Variants in LIPF observed in about 807,000 individuals in gnomAD.
LIPF encodes lipase F, gastric type, also known as gastric triacylglycerol lipase.
A neutral mutation model predicts 38.0 loss-of-function variants in LIPF; 25 were observed. The ratio of observed to expected loss-of-function variants is 0.66; its 90% CI spans 0.48 to 0.92. The LOEUF (loss-of-function observed/expected upper bound fraction) is 0.92, where lower values mean the gene tolerates loss of function less well. Ranked by LOEUF, LIPF falls within the 40% of genes least tolerant of loss-of-function variation. The pLI is 0.00. For missense variants in LIPF, 410 were observed against 469.9 expected, an observed-to-expected ratio of 0.87 and a Z score of 1.18; for synonymous variants, 161 against 156.2, an observed-to-expected ratio of 1.03 and a Z score of -0.23.
chr10:88,672,674 T>A (rs142767766), intron 6 of LIPF, among the ~76,000 whole-genome samples: 3,295 of 127,010 alleles, frequency 0.026, 36 homozygotes, highest in Non-Finnish European at 0.029. Flanking sequence ...ACACACACTC[T>A]CTCTCTCTCT....
intron 1 of LIPF, among the ~76,000 whole-genome samples, chr10:88,666,771 T>A (rs1270754571): frequency 1.3e-5 from 2 of 152,096 alleles, no homozygotes; most frequent in Non-Finnish European, 2.9e-5. Context: ...AATCACATAA[T>A]AACCTCAAAT....
rs1426047711 is a variant in LIPF, at chr10:88,668,635, A to T, written c.301A>T (p.Ser101Cys). 1 of 1,614,228 alleles carries T rather than the reference A, an allele frequency of 6.2e-7. No homozygotes were observed. Among genetic ancestry groups the T allele is most frequent in the South Asian group, 1.1e-5 (1 of 91,092 alleles). Residue 101 changes from serine (S) to cysteine (C), a missense_variant, in exon 4 of 10, where the codon AGC (serine) becomes TGC (cysteine). Transcript: ENST00000238983. ...CTGGATTTCCAACCTGCCGAACAAC[A>T]GCCTTGCCTTCATTCTGGCAGATGC... ...TNWISNLPNN[S>C]LAFILADAGY...
rs1841675589 is a variant in LIPF at position 88,675,662 on chromosome 10, T to C, written c.888+5T>C. ...AACATGTTCCATTGGACCCAGGTAT[T>C]CTTTTCCAAATGCTGTTAAAATGTA... On this transcript the variant is annotated splice_donor_5th_base_variant and intron_variant, in intron 8 of 9. Coordinates refer to ENST00000238983, the MANE Select transcript of LIPF (RefSeq NM_004190.4). 5 of 1,601,854 alleles carry C rather than the reference T, an allele frequency of 3.1e-6. No homozygotes were observed. The East Asian group carries it at 1.1e-4, about 36-fold the overall frequency.
At chr10:88,669,087 C>A in intron 4 of LIPF, 1 of 211,828 alleles carries the variant, frequency 4.7e-6, no homozygotes, top group African/African-American at 2.3e-5. Flanking sequence ...AGTAAAAACC[C>A]ATTTAGGGGT....
intron 4 of LIPF, chr10:88,669,021 GA>G (rs979478715): frequency 2.2e-5 from 8 of 363,558 alleles, no homozygotes; most frequent in Admixed American, 1.2e-4. Flanking sequence ...CTGAAGCAAG[GA>G]AACTCACAGC....
chr10:88,672,793 T>C (rs1841624654), intron 6 of LIPF, among the ~76,000 whole-genome samples: 1 of 152,170 alleles, frequency 6.6e-6, no homozygotes, highest in Admixed American at 6.6e-5. Flanking sequence ...TGTATTAATA[T>C]GTATGTCTAA....
chr10:88,672,009 G>A lies in LIPF; in HGVS notation c.669+44G>A, dbSNP rs753363734. ...TTAAGTGAATCTAAGACCCTTGATT[G>A]CCCATGGATTTTAAAGTTATAGAAA... On this transcript the variant is annotated intron_variant, in intron 6 of 9. Coordinates refer to ENST00000238983, the MANE Select transcript of LIPF (RefSeq NM_004190.4). 5.3e-6 allele frequency: 8 copies of A among 1,520,402 alleles called. No individual in the cohort carries two copies. In the Admixed American group the frequency reaches 8.3e-5, roughly 16 times the overall value. The allele number at this position is 1,520,402 out of a possible 1,614,324, so 94.2% of individuals were successfully genotyped here.
chr10:88,673,672 A>C lies in LIPF; in HGVS notation c.754A>C (p.Asn252His), dbSNP rs144796282. 2.4e-5 allele frequency: 39 copies of C among 1,612,324 alleles called. No individual in the cohort carries two copies. The highest frequency in any genetic ancestry group is 3.3e-5 in the Non-Finnish European group (39 of 1,178,572). The change falls in exon 7 of 10, where the codon AAT (asparagine) becomes CAT (histidine). Residue 252 changes from asparagine (N) to histidine (H), a missense_variant. Asn to His is a moderately conservative substitution (Grantham distance 68, BLOSUM62 1). Transcript: ENST00000238983. ...TGAAGTGTGCTCCCGTGAGATGCTG[A>C]ATCTCCTTTGCAGCAATGCCTTATT... ...ATEVCSREML[N>H]LLCSNALFII...
At chr10:88,671,752 A>G (rs1841599228) in intron 5 of LIPF, 77 bp from the exon 6 acceptor site, 2 of 1,530,174 alleles carry the variant, frequency 1.3e-6, no homozygotes, top group Non-Finnish European at 1.8e-6. Context: ...AAATAATGTC[A>G]CACTTATAAA....
chr10:88,667,254 T>A (rs1841524975), intron 1 of LIPF, 33 bp from the exon 2 acceptor site: 3 of 1,201,392 alleles, frequency 2.5e-6, no homozygotes, highest in Admixed American at 1.8e-5. Flanking sequence ...GTATAATGGA[T>A]TAACCATGGC....
intron 9 of LIPF, among the ~76,000 whole-genome samples, chr10:88,677,070 G>C (rs1841700186): frequency 6.6e-6 from 1 of 152,088 alleles, no homozygotes; most frequent in Non-Finnish European, 1.5e-5. Flanking sequence ...CATCCAAGTA[G>C]TAGCTGAACA....
intron 5 of LIPF, among the ~76,000 whole-genome samples, chr10:88,671,530 A>T (rs1841596371): frequency 6.6e-6 from 1 of 152,230 alleles, no homozygotes; most frequent in South Asian, 2.1e-4. Context: ...AAAGAAATTC[A>T]TAAAAAAATT....
chr10:88,676,884 T>C (rs1445756633), intron 9 of LIPF, among the ~76,000 whole-genome samples: 2 of 152,198 alleles, frequency 1.3e-5, no homozygotes, highest in Non-Finnish European at 1.5e-5. Context: ...GGCAGTCATT[T>C]CTTCATCTCT....
chr10:88,668,750 C>A lies in LIPF; in HGVS notation c.416C>A (p.Ala139Asp), dbSNP rs1841552210. ...TCACCAGATTCAGTTGAATTCTGGG[C>A]TTTCAGGTAAACAAAAGGGACAATT... The part of the protein sequence containing the change: ...YYSPDSVEFW[A>D]FSFDEMAKYD... The change falls in exon 4 of 10, where the codon GCT (alanine) becomes GAT (aspartate). Residue 139 changes from alanine to aspartate, a missense_variant. Physicochemically the swap from Ala to Asp is moderately radical, Grantham distance 126. Transcript: ENST00000238983. 8.7e-6 allele frequency: 14 copies of A among 1,613,184 alleles called. No individual in the cohort carries two copies. The highest frequency in any genetic ancestry group is 1.2e-5 in the Non-Finnish European group (14 of 1,179,302).
At chr10:88,671,698 G>A in intron 5 of LIPF, 131 bp from the exon 6 acceptor site, 3 of 1,232,444 alleles carry the variant, frequency 2.4e-6, no homozygotes, top group Non-Finnish European at 3.3e-6. Flanking sequence ...CAGCAGAGAT[G>A]CCAATTTCTC....
chr10:88,671,152 G>C (rs771397424), intron 5 of LIPF, among the ~76,000 whole-genome samples: 1 of 152,084 alleles, frequency 6.6e-6, no homozygotes, highest in Non-Finnish European at 1.5e-5. Flanking sequence ...ATTCATTACT[G>C]AATGTATTTA....
chr10:88,670,942 TC>T (rs1245931569), intron 5 of LIPF, among the ~76,000 whole-genome samples: 4 of 152,206 alleles, frequency 2.6e-5, no homozygotes, highest in African/African-American at 9.6e-5. Context: ...GAAAAACCAT[TC>T]TTCCACAAAT....
intron 7 of LIPF, among the ~76,000 whole-genome samples, chr10:88,674,232 A>G (rs814616): frequency 0.78 from 118,653 of 152,082 alleles, 47,322 homozygotes; most frequent in East Asian, 1. Flanking sequence ...GCAGTGGCGC[A>G]ATCTCGGCTC....
intron 6 of LIPF, among the ~76,000 whole-genome samples, chr10:88,673,321 T>C (rs1251969731): frequency 6.6e-6 from 1 of 152,220 alleles, no homozygotes; most frequent in African/African-American, 2.4e-5. Flanking sequence ...AACTAGATTG[T>C]AACTCTTTGT....
Sources: gnomAD v4.1 joint callset for allele counts (sites outside exome capture counted in the v4.1 genomes callset) on GRCh38, gnomAD v4.1.1 for gene constraint, MANE v1.5 for transcripts, NCBI Gene and HGNC (gene_info 2026-07-23, HGNC 2026-07-21) for gene names.